Variants in CD55 observed in about 807,000 individuals in gnomAD.
CD55 encodes complement decay-accelerating factor.
In CD55, 41 loss-of-function variants were observed where a neutral mutation model predicts 45.8. That is an observed-to-expected ratio of 0.90 (90% confidence interval 0.70 to 1.16). The LOEUF (loss-of-function observed/expected upper bound fraction) is 1.16. Among genes scored for constraint, CD55 ranks in the 50% most tolerant of loss-of-function variants. CD55 has a pLI of 0.00. For missense variants in CD55, 416 were observed against 469.8 expected (o/e 0.89, Z 1.06); for synonymous variants, 181 against 181.1 (o/e 1.00, Z 0.01).
chr1:207,322,796 A>G (rs1051958694), intron 2 of CD55, among the ~76,000 whole-genome samples: 1 of 152,234 alleles, frequency 6.6e-6, no homozygotes, highest in Non-Finnish European at 1.5e-5. Flanking sequence ...TCTTGAACGA[A>G]CTAGTAGAGA....
intron 9 of CD55, among the ~76,000 whole-genome samples, chr1:207,355,061 C>G (rs1268511390): frequency 6.6e-6 from 1 of 152,158 alleles, no homozygotes; most frequent in African/African-American, 2.4e-5. Flanking sequence ...GATAGTCTCT[C>G]TAAGTTAATG....
In CD55 at chr1:207,336,729, A is replaced by C. The variant is rs753501211; in HGVS notation, c.890A>C (p.Gln297Pro). 3 of 1,613,860 alleles carry C rather than the reference A, an allele frequency of 1.9e-6. No individual in the cohort carries two copies. In the Admixed American group the frequency reaches 5.0e-5, roughly 27 times the overall value. The change falls in exon 7 of 10, where the codon CAG becomes CCG. Residue 297 changes from glutamine (Q) to proline (P), a missense_variant. This residue lies in a region of CD55 where 182 missense variants were observed against 201.4 expected (regional missense o/e 0.90). Coordinates refer to ENST00000367064, the MANE Select transcript of CD55 (RefSeq NM_000574.5). The stretch of plus-strand genomic sequence containing the variant: ...ACTTCCAAGGTCCCACCAACAGTTC[A>C]GAAACCTACCACAGTAAATGTTCCA... ...SLTSKVPPTV[Q>P]KPTTVNVPTT...
At chr1:207,356,307 A>T (rs1656072939) in intron 9 of CD55, among the ~76,000 whole-genome samples, 1 of 152,164 alleles carries the variant, frequency 6.6e-6, no homozygotes, top group African/African-American at 2.4e-5. Context: ...AGCTTTATTT[A>T]AATTTTGGCG....
At chr1:207,353,312 A>G (rs1241709187) in intron 9 of CD55, among the ~76,000 whole-genome samples, 4 of 152,140 alleles carry the variant, frequency 2.6e-5, no homozygotes, top group Non-Finnish European at 5.9e-5. Flanking sequence ...AGACATTCAT[A>G]AGTCCCTCAT....
At chr1:207,336,883 A>C in intron 7 of CD55, 65 bp downstream of exon 7, 1 of 1,585,658 alleles carries the variant, frequency 6.3e-7, no homozygotes. Context: ...CAAGAACCCC[A>C]CCAACTCCTC....
chr1:207,322,419 G>A lies in CD55; in HGVS notation c.138G>A (p.Gln46=), dbSNP rs747643776. The change falls in exon 2 of 10, where the codon CAG becomes CAA. Residue 46 remains glutamine (Q), a synonymous_variant. Coordinates refer to ENST00000367064, the MANE Select transcript of CD55 (RefSeq NM_000574.5). ...CGLPPDVPNA[Q]PALEGRTSFP... is the part of the protein sequence containing the mutation. The stretch of plus-strand genomic sequence containing the variant: ...TTCCCCCAGATGTACCTAATGCCCA[G>A]CCAGCTTTGGAAGGCCGTACAAGTT... The A allele has an allele frequency of 2.5e-6, 4 of 1,614,150 alleles. No homozygotes were observed. In the South Asian group the frequency reaches 4.4e-5, roughly 18 times the overall value.
chr1:207,322,128 C>T (rs1654440316), intron 1 of CD55: 1 of 646,558 alleles, frequency 1.5e-6, no homozygotes, highest in Admixed American at 2.4e-5. Flanking sequence ...GCAGCCAAGC[C>T]TGGCAAAATC....
intron 5 of CD55, among the ~76,000 whole-genome samples, chr1:207,330,376 G>A (rs925131): frequency 0.24 from 35,627 of 151,318 alleles, 5,524 homozygotes; most frequent in East Asian, 0.58. Context: ...AGATTATGTG[G>A]AACCATTGAA....
At chr1:207,352,542 G>C (rs917561651) in intron 9 of CD55, among the ~76,000 whole-genome samples, 2 of 151,964 alleles carry the variant, frequency 1.3e-5, no homozygotes, top group Non-Finnish European at 2.9e-5. Context: ...TTTGAATCCT[G>C]TTTTTTTCAC....
chr1:207,349,951 A>G (rs1418352613), intron 9 of CD55, among the ~76,000 whole-genome samples: 3 of 152,188 alleles, frequency 2.0e-5, no homozygotes, highest in African/African-American at 7.2e-5. Context: ...TTCAAGGTGA[A>G]TGCTTCCAGC....
intron 5 of CD55, 44 bp from the exon 6 acceptor site, chr1:207,331,064 T>C (rs1309775305): frequency 7.7e-7 from 1 of 1,294,130 alleles, no homozygotes; most frequent in Non-Finnish European, 1.1e-6. Context: ...AAAAATACTT[T>C]ACTAGTTTTA....
intron 3 of CD55, among the ~76,000 whole-genome samples, chr1:207,325,216 T>C (rs1469671347): frequency 6.6e-6 from 1 of 151,528 alleles, no homozygotes; most frequent in East Asian, 1.9e-4. Context: ...ATGCCTGTAA[T>C]CCCAGCTTCT....
rs762580313 is a variant in CD55 at position 207,321,882 on chromosome 1, C to A, written c.100+17C>A. On this transcript the variant is annotated intron_variant, in intron 1 of 9. Transcript: ENST00000367064. ...CCGTGTGGGGTGAGTAGGGGCCCGG[C>A]GGCCGGGGAAGCCCCTGGGCTGGGT... 3 of 1,500,354 alleles carry A rather than the reference C, an allele frequency of 2.0e-6. No individual in the cohort carries two copies. The highest frequency in any genetic ancestry group is 2.7e-6 in the Non-Finnish European group (3 of 1,126,520). The allele number at this position is 1,500,354 out of a possible 1,614,324, so 92.9% of individuals were successfully genotyped here.
At chr1:207,324,321 G>T (rs542861202) in intron 2 of CD55, among the ~76,000 whole-genome samples, 1 of 151,554 alleles carries the variant, frequency 6.6e-6, no homozygotes, top group Non-Finnish European at 1.5e-5. Flanking sequence ...TTTAAGTGGG[G>T]ATAGTGATAT....
chr1:207,334,502 C>T (rs1655084227), intron 6 of CD55, among the ~76,000 whole-genome samples: 2 of 152,078 alleles, frequency 1.3e-5, no homozygotes, highest in African/African-American at 4.8e-5. Context: ...AATGTAATGT[C>T]CTGTGGGGTC....
chr1:207,323,252 GAGAT>G (rs1654511715), intron 2 of CD55, among the ~76,000 whole-genome samples: 1 of 150,658 alleles, frequency 6.6e-6, no homozygotes, highest in African/African-American at 2.4e-5. Flanking sequence ...TATATAGGGA[GAGAT>G]ATATATATAT....
chr1:207,360,722 A>G lies in CD55; in HGVS notation c.*1112A>G, dbSNP rs964559084. On this transcript the variant is annotated 3_prime_UTR_variant, in exon 10 of 10. Coordinates refer to ENST00000367064, the MANE Select transcript of CD55 (RefSeq NM_000574.5). Reference sequence around the variant, plus strand: ...CTTGTTACTGATTTACCTGAAGGCAATCTGATTAATTTCTAGGTTTTTACC... The same window carrying G: ...CTTGTTACTGATTTACCTGAAGGCAGTCTGATTAATTTCTAGGTTTTTACC... 4 of 152,124 alleles carry G rather than the reference A, an allele frequency of 2.6e-5. No homozygotes were observed. Among genetic ancestry groups the G allele is most frequent in the African/African-American group, 9.7e-5 (4 of 41,438 alleles). The allele number at this position is 152,124 out of a possible 1,614,324, so 9.4% of individuals were successfully genotyped here. A position where few individuals can be genotyped will look rare whatever the true frequency, so the allele number is the denominator to read the frequency against.
chr1:207,350,231 G>T, intron 9 of CD55: 1 of 372,960 alleles, frequency 2.7e-6, no homozygotes, highest in South Asian at 2.0e-5. Context: ...TGGTAAGTTA[G>T]GTATTTGATG....
intron 9 of CD55, among the ~76,000 whole-genome samples, chr1:207,351,556 A>G (rs1372013676): frequency 2.0e-5 from 3 of 152,186 alleles, no homozygotes; most frequent in Non-Finnish European, 2.9e-5. Flanking sequence ...TAATAAAAAC[A>G]TTATCATTAC....
Sources: gnomAD v4.1 joint callset for allele counts (sites outside exome capture counted in the v4.1 genomes callset) on GRCh38, gnomAD v4.1.1 for gene constraint, gnomAD v4.1.1 regional missense constraint, MANE v1.5 for transcripts, NCBI Gene and HGNC (gene_info 2026-07-23, HGNC 2026-07-21) for gene names.